VWA8: variants seen among roughly 807,000 people sequenced by gnomAD.
VWA8 encodes von Willebrand factor A domain-containing protein 8.
Under a neutral mutation model 241.5 loss-of-function variants are expected in VWA8, and 221 were observed. The observed-to-expected ratio is 0.91, with a 90% CI of 0.82 to 1.02. VWA8 has a LOEUF of 1.02. Ranked by LOEUF, VWA8 falls within the 50% of genes least tolerant of loss-of-function variation. The pLI, the probability that VWA8 is intolerant of heterozygous loss-of-function variation, is 0.00. For missense variants in VWA8, 2,322 were observed against 2,328.7 expected (o/e 1.00, Z 0.06); for synonymous variants, 852 against 827.1 (o/e 1.03, Z -0.52).
intron 21 of VWA8, among the ~76,000 whole-genome samples, chr13:41,758,396 TAG>T (rs2045711609): frequency 1.5e-4 from 1 of 6,452 alleles, no homozygotes; most frequent in African/African-American, 3.3e-4. Flanking sequence ...ATATATACGC[TAG>T]TATATATATA....
chr13:41,729,774 A>G, intron 22 of VWA8, 97 bp from the exon 23 acceptor site: 2 of 1,151,242 alleles, frequency 1.7e-6, no homozygotes, highest in Non-Finnish European at 2.5e-6. Context: ...AGCTGGCTTT[A>G]TTTAAGTTAC....
At chr13:41,946,191 G>T (rs1044573940) in intron 2 of VWA8, among the ~76,000 whole-genome samples, 6 of 146,034 alleles carry the variant, frequency 4.1e-5, no homozygotes, top group African/African-American at 1.5e-4. Context: ...ATACAAAGGA[G>T]AAATGAAGAC....
intron 17 of VWA8, among the ~76,000 whole-genome samples, chr13:41,789,623 T>A (rs1454941268): frequency 6.6e-6 from 1 of 152,152 alleles, no homozygotes; most frequent in African/African-American, 2.4e-5. Context: ...AGGAGTGGGA[T>A]AGGATCTTTA....
chr13:41,729,317 A>C (rs1461183737), intron 23 of VWA8, among the ~76,000 whole-genome samples: 1 of 152,094 alleles, frequency 6.6e-6, no homozygotes, highest in Non-Finnish European at 1.5e-5. Context: ...ATTTGTCCTA[A>C]TACTACTACT....
At chr13:41,895,078 A>G (rs1875034228) in intron 4 of VWA8, among the ~76,000 whole-genome samples, 2 of 152,186 alleles carry the variant, frequency 1.3e-5, no homozygotes, top group Non-Finnish European at 1.5e-5. Context: ...AAGAGAACGT[A>G]TAATTATTGA....
intron 21 of VWA8, among the ~76,000 whole-genome samples, chr13:41,757,346 A>G (rs1413138170): frequency 2.0e-5 from 3 of 151,872 alleles, no homozygotes; most frequent in Admixed American, 6.6e-5. Flanking sequence ...TACATCGTTC[A>G]TACAAAGAAC....
At chr13:41,958,709 G>A (rs1384044249) in intron 1 of VWA8, among the ~76,000 whole-genome samples, 1 of 152,100 alleles carries the variant, frequency 6.6e-6, no homozygotes, top group Non-Finnish European at 1.5e-5. Context: ...ATCTCTGGTG[G>A]GTTCCCAGCT....
intron 21 of VWA8, among the ~76,000 whole-genome samples, chr13:41,751,695 GT>G (rs2137893465): frequency 6.6e-6 from 1 of 152,186 alleles, no homozygotes; most frequent in Non-Finnish European, 1.5e-5. Context: ...TTGCTAAACG[GT>G]TTACTTCATT....
intron 17 of VWA8, among the ~76,000 whole-genome samples, chr13:41,795,210 T>G (rs1869637308): frequency 6.6e-6 from 1 of 152,254 alleles, no homozygotes; most frequent in South Asian, 2.1e-4. Flanking sequence ...TCAACATCAC[T>G]GATCATTAGA....
At chr13:41,766,160 TG>T (rs2045777682) in intron 20 of VWA8, among the ~76,000 whole-genome samples, 1 of 152,190 alleles carries the variant, frequency 6.6e-6, no homozygotes, top group African/African-American at 2.4e-5. Context: ...GAGGGATTTC[TG>T]GGACTCTTAT....
At chr13:41,849,740 G>A (rs7991715) in intron 12 of VWA8, among the ~76,000 whole-genome samples, 109,917 of 151,972 alleles carry the variant, frequency 0.72, 40,791 homozygotes, top group East Asian at 0.89. Flanking sequence ...TACAAAAAGT[G>A]GCCGGGCACG....
At chr13:41,573,298 G>C (rs1025779959) in intron 43 of VWA8, among the ~76,000 whole-genome samples, 46 of 149,682 alleles carry the variant, frequency 3.1e-4, no homozygotes, top group Non-Finnish European at 5.5e-4. Context: ...CGTGCCTGTG[G>C]TACCAGCTAC....
chr13:41,692,765 A>G, intron 30 of VWA8, 97 bp downstream of exon 30: 1 of 873,196 alleles, frequency 1.1e-6, no homozygotes, highest in Non-Finnish European at 1.8e-6. Context: ...CATTACAACA[A>G]AAAAGGCACT....
At chr13:41,716,888 G>A (rs1040650074) in intron 26 of VWA8, among the ~76,000 whole-genome samples, 5 of 151,870 alleles carry the variant, frequency 3.3e-5, no homozygotes, top group African/African-American at 1.2e-4. Flanking sequence ...TTAGCAAAAG[G>A]TCTAGAAAAG....
At chr13:41,836,468 T>C (rs1871734033) in intron 12 of VWA8, among the ~76,000 whole-genome samples, 1 of 152,120 alleles carries the variant, frequency 6.6e-6, no homozygotes, top group Non-Finnish European at 1.5e-5. Flanking sequence ...TCAGCAGACA[T>C]AAGAGGCTCA....
chr13:41,617,418 T>C (rs779660080), intron 37 of VWA8, among the ~76,000 whole-genome samples: 10 of 152,180 alleles, frequency 6.6e-5, no homozygotes, highest in Non-Finnish European at 1.2e-4. Context: ...TGTGCCAAGA[T>C]ACATTTTTTT....
At chr13:41,605,682 G>A (rs1335254517) in intron 39 of VWA8, among the ~76,000 whole-genome samples, 4 of 152,070 alleles carry the variant, frequency 2.6e-5, no homozygotes, top group East Asian at 1.9e-4. Context: ...GTTTGCAGCC[G>A]ATCAGTTCAT....
intron 20 of VWA8, among the ~76,000 whole-genome samples, chr13:41,761,609 T>A (rs1379301160): frequency 6.6e-6 from 1 of 152,134 alleles, no homozygotes; most frequent in East Asian, 1.9e-4. Flanking sequence ...TTCAGAATTA[T>A]GATTTTCAGT....
chr13:41,839,078 T>C (rs1343645047), intron 12 of VWA8, among the ~76,000 whole-genome samples: 3 of 152,206 alleles, frequency 2.0e-5, no homozygotes, highest in African/African-American at 7.2e-5. Flanking sequence ...CCACACTGTC[T>C]TCCACAATGG....
Sources: gnomAD v4.1 joint callset for allele counts (sites outside exome capture counted in the v4.1 genomes callset) on GRCh38, gnomAD v4.1.1 for gene constraint, MANE v1.5 for transcripts, NCBI Gene and HGNC (gene_info 2026-07-23, HGNC 2026-07-21) for gene names.